Variants in MYRIP observed in about 807,000 individuals in gnomAD.
MYRIP encodes the protein myosin VIIA and Rab interacting protein.
MYRIP carries 49 observed loss-of-function variants against 98.0 expected under a neutral mutation model. The ratio of observed to expected loss-of-function variants is 0.50; its 90% confidence interval spans 0.40 to 0.63. The LOEUF (loss-of-function observed/expected upper bound fraction) is 0.63, where lower values mean the gene tolerates loss of function less well. Among genes scored for constraint, MYRIP ranks in the 30% least tolerant of loss-of-function variants. MYRIP has a pLI of 0.00. For missense variants in MYRIP, 1,004 were observed against 1,058.2 expected, an observed-to-expected ratio of 0.95 and a Z score of 0.71; for synonymous variants, 404 against 409.5, an observed-to-expected ratio of 0.99 and a Z score of 0.16.
At chr3:40,232,168 G>C (rs1037131863) in intron 11 of MYRIP, among the ~76,000 whole-genome samples, 56 of 152,096 alleles carry the variant, frequency 3.7e-4, no homozygotes, top group African/African-American at 1.3e-3. Flanking sequence ...TTGGTATGTA[G>C]CAAAGCCCCC....
intron 1 of MYRIP, among the ~76,000 whole-genome samples, chr3:39,830,708 C>T (rs1941416419): frequency 6.6e-6 from 1 of 152,192 alleles, no homozygotes; most frequent in Non-Finnish European, 1.5e-5. Context: ...CTTTCCTTCT[C>T]TCTACCACAT....
intron 3 of MYRIP, among the ~76,000 whole-genome samples, chr3:40,131,125 T>A (rs535104071): frequency 6.6e-6 from 1 of 152,360 alleles, no homozygotes; most frequent in Non-Finnish European, 1.5e-5. Context: ...AAAATTGCAA[T>A]ACTTCTACCT....
chr3:40,197,381 T>G (rs191304816), intron 10 of MYRIP, among the ~76,000 whole-genome samples: 1 of 152,126 alleles, frequency 6.6e-6, no homozygotes, highest in Non-Finnish European at 1.5e-5. Context: ...GGCCCCTGAG[T>G]TGGGGACCCC....
At chr3:40,027,833 C>T (rs988620343) in intron 2 of MYRIP, among the ~76,000 whole-genome samples, 2 of 151,962 alleles carry the variant, frequency 1.3e-5, no homozygotes, top group Non-Finnish European at 2.9e-5. Flanking sequence ...GCAAGATGGG[C>T]AGGGTCAAGA....
intron 3 of MYRIP, among the ~76,000 whole-genome samples, chr3:40,084,294 T>TAG (rs1948554463): frequency 3.5e-5 from 2 of 56,936 alleles, no homozygotes; most frequent in South Asian, 5.1e-4. Context: ...TATATATCGA[T>TAG]ATATAATACA....
intron 8 of MYRIP, among the ~76,000 whole-genome samples, chr3:40,176,123 C>T (rs1303120333): frequency 6.6e-6 from 1 of 152,208 alleles, no homozygotes; most frequent in Non-Finnish European, 1.5e-5. Flanking sequence ...CTTTCCTGCT[C>T]CAAAACTGTT....
At chr3:40,138,779 A>G (rs1382042415) in intron 3 of MYRIP, among the ~76,000 whole-genome samples, 1 of 152,218 alleles carries the variant, frequency 6.6e-6, no homozygotes, top group Non-Finnish European at 1.5e-5. Context: ...TACCATCTCA[A>G]ACATAGCTGC....
intron 3 of MYRIP, among the ~76,000 whole-genome samples, chr3:40,072,816 C>T (rs551361027): frequency 9.0e-6 from 1 of 110,946 alleles, no homozygotes; most frequent in Non-Finnish European, 1.9e-5. Flanking sequence ...TTCTCGTAAA[C>T]ATGGTGTGTT....
chr3:40,241,775 A>C (rs1469635219), intron 12 of MYRIP, among the ~76,000 whole-genome samples: 1 of 152,216 alleles, frequency 6.6e-6, no homozygotes, highest in Non-Finnish European at 1.5e-5. Context: ...TTACTCAGAC[A>C]TGGTAACCAC....
At chr3:39,828,515 G>A (rs1183990007) in intron 1 of MYRIP, among the ~76,000 whole-genome samples, 1 of 151,990 alleles carries the variant, frequency 6.6e-6, no homozygotes, top group African/African-American at 2.4e-5. Flanking sequence ...TTGGGGTACA[G>A]GTGGTATTTG....
At chr3:39,882,199 G>A (rs1281120037) in intron 1 of MYRIP, among the ~76,000 whole-genome samples, 2 of 151,976 alleles carry the variant, frequency 1.3e-5, no homozygotes, top group African/African-American at 4.8e-5. Context: ...AGACCCATGG[G>A]TTTATGATCA....
intron 3 of MYRIP, among the ~76,000 whole-genome samples, chr3:40,127,324 G>A (rs1191640691): frequency 2.0e-5 from 3 of 152,136 alleles, no homozygotes; most frequent in Non-Finnish European, 4.4e-5. Flanking sequence ...AAGGAACAGG[G>A]CACCCAGAGA....
At chr3:39,847,159 T>C (rs1941989189) in intron 1 of MYRIP, among the ~76,000 whole-genome samples, 1 of 152,192 alleles carries the variant, frequency 6.6e-6, no homozygotes, top group Non-Finnish European at 1.5e-5. Flanking sequence ...AACCCATACT[T>C]AATCTCCAAA....
intron 3 of MYRIP, among the ~76,000 whole-genome samples, chr3:40,094,084 T>G (rs1443233771): frequency 2.0e-5 from 3 of 152,164 alleles, no homozygotes; most frequent in African/African-American, 4.8e-5. Flanking sequence ...TATTCTGCTG[T>G]TCAGACCTCC....
chr3:39,962,868 A>G (rs769326490), intron 2 of MYRIP, among the ~76,000 whole-genome samples: 3 of 152,090 alleles, frequency 2.0e-5, no homozygotes, highest in Non-Finnish European at 4.4e-5. Flanking sequence ...GATTCACTTG[A>G]CTTGCAGACA....
chr3:40,217,826 G>A (rs1952170628), intron 11 of MYRIP, among the ~76,000 whole-genome samples: 1 of 152,136 alleles, frequency 6.6e-6, no homozygotes, highest in African/African-American at 2.4e-5. Flanking sequence ...CTACTTTCAT[G>A]ATTCAACATT....
At chr3:39,827,592 G>A (rs1941308143) in intron 1 of MYRIP, among the ~76,000 whole-genome samples, 2 of 152,058 alleles carry the variant, frequency 1.3e-5, no homozygotes, top group Admixed American at 1.3e-4. Flanking sequence ...TTTTGTTGCT[G>A]CTTGATTTTC....
intron 2 of MYRIP, among the ~76,000 whole-genome samples, chr3:39,999,822 T>C (rs1220866732): frequency 6.6e-6 from 1 of 152,046 alleles, no homozygotes; most frequent in Non-Finnish European, 1.5e-5. Flanking sequence ...GTGGGACATA[T>C]ACACCATGGA....
At chr3:40,255,034 C>G (rs1377294537) in intron 16 of MYRIP, among the ~76,000 whole-genome samples, 1 of 152,182 alleles carries the variant, frequency 6.6e-6, no homozygotes, top group Non-Finnish European at 1.5e-5. Flanking sequence ...ATAAAAGTTA[C>G]TCTCAGGCAT....
Sources: allele counts gnomAD v4.1 joint callset (sites outside exome capture counted in the v4.1 genomes callset), GRCh38; gene constraint gnomAD v4.1.1; transcripts MANE v1.5; gene names NCBI Gene and HGNC (gene_info 2026-07-23, HGNC 2026-07-21).